PTPRD: variants seen among roughly 807,000 people sequenced by gnomAD.
The protein encoded by PTPRD is receptor-type tyrosine-protein phosphatase delta.
A neutral mutation model predicts 214.5 loss-of-function variants in PTPRD; 34 were observed. The observed-to-expected ratio is 0.16, with a 90% CI of 0.12 to 0.21. PTPRD has a LOEUF of 0.21. PTPRD is among the 10% of genes least tolerant of loss of function. The pLI is 1.00. For missense variants in PTPRD, 2,545 were observed against 2,398.7 expected (o/e 1.06, Z -1.27); for synonymous variants, 1,128 against 845.7 (o/e 1.33, Z -5.79).
At chr9:10,488,289 C>T (rs1177984058) in intron 2 of PTPRD, among the ~76,000 whole-genome samples, 1 of 150,852 alleles carries the variant, frequency 6.6e-6, no homozygotes, top group East Asian at 2.0e-4. Flanking sequence ...ATGGCACGAA[C>T]CTGGGAGGCG....
chr9:9,354,210 T>C (rs2052703717), intron 9 of PTPRD, among the ~76,000 whole-genome samples: 1 of 151,846 alleles, frequency 6.6e-6, no homozygotes. Context: ...CCATATAATA[T>C]AACCTAATCA....
intron 12 of PTPRD, among the ~76,000 whole-genome samples, chr9:8,714,444 T>C (rs1054611810): frequency 6.6e-6 from 1 of 152,176 alleles, no homozygotes; most frequent in Non-Finnish European, 1.5e-5. Flanking sequence ...CCAACATCAC[T>C]AGCAAACTCC....
chr9:9,118,638 C>T (rs2099814568), intron 10 of PTPRD, among the ~76,000 whole-genome samples: 1 of 152,146 alleles, frequency 6.6e-6, no homozygotes, highest in Admixed American at 6.5e-5. Flanking sequence ...TATAAAGATG[C>T]AGCTTTCCTC....
chr9:9,878,073 G>A (rs1045834347), intron 5 of PTPRD, among the ~76,000 whole-genome samples: 4 of 151,332 alleles, frequency 2.6e-5, no homozygotes, highest in African/African-American at 9.7e-5. Flanking sequence ...TGTTTGATCA[G>A]ATAAAGGACC....
At chr9:10,558,829 C>T (rs1182476889) in intron 2 of PTPRD, among the ~76,000 whole-genome samples, 2 of 152,124 alleles carry the variant, frequency 1.3e-5, no homozygotes, top group East Asian at 1.9e-4. Flanking sequence ...TTACTAAAAA[C>T]CAAAACAAAG....
intron 6 of PTPRD, among the ~76,000 whole-genome samples, chr9:9,754,211 G>A (rs2098547885): frequency 6.6e-6 from 1 of 152,052 alleles, no homozygotes; most frequent in Non-Finnish European, 1.5e-5. Context: ...AAGAGTCTTT[G>A]AAAAACAGGG....
intron 3 of PTPRD, among the ~76,000 whole-genome samples, chr9:10,067,452 T>C (rs2097906739): frequency 6.6e-6 from 1 of 151,860 alleles, no homozygotes; most frequent in South Asian, 2.1e-4. Flanking sequence ...ACTAACATAA[T>C]TTTCAGTTTA....
At chr9:8,560,363 G>A (rs7870438) in intron 14 of PTPRD, among the ~76,000 whole-genome samples, 8,234 of 151,554 alleles carry the variant, frequency 0.054, 657 homozygotes, top group African/African-American at 0.18. Flanking sequence ...GCAAAATGGG[G>A]GGAGTGGAAG....
rs781257955 is a variant in PTPRD, at chr9:8,486,187, T to A, written c.2630A>T (p.Glu877Val). 6.2e-7 allele frequency: 1 copy of A among 1,614,176 alleles called. No individual in the cohort carries two copies. Among genetic ancestry groups the A allele is most frequent in the Admixed American group, 1.7e-5 (1 of 60,028 alleles). The stretch of plus-strand genomic sequence containing the variant: ...GATGTCTGTAGCTGTAAAGTGATCT[T>A]CTTTTTCAGAGAACTCAAGAGTAGT... ...PLTTLEFSEK[E>V]DHFTATDIHK... The change falls in exon 28 of 46, where the codon GAA becomes GTA. Residue 877 changes from glutamate (E) to valine (V), a missense_variant. Glu to Val is a moderately radical substitution (Grantham distance 121). Transcript: ENST00000381196.
At chr9:9,614,357 G>A (rs1053733312) in intron 7 of PTPRD, among the ~76,000 whole-genome samples, 9 of 152,032 alleles carry the variant, frequency 5.9e-5, no homozygotes, top group Non-Finnish European at 1.5e-5. Context: ...ATCATGATCA[G>A]CATAGTAATT....
chr9:10,368,471 C>T (rs768713912), intron 2 of PTPRD, among the ~76,000 whole-genome samples: 13 of 151,998 alleles, frequency 8.6e-5, no homozygotes, highest in African/African-American at 1.9e-4. Flanking sequence ...TCACCCTTCT[C>T]AGGAATACAT....
intron 8 of PTPRD, among the ~76,000 whole-genome samples, chr9:9,520,267 ATATATATATATATATTAAGT>A (rs913382904): frequency 1.2e-4 from 18 of 145,878 alleles, no homozygotes; most frequent in South Asian, 6.3e-4. Flanking sequence ...CCTAAAAGTT[ATATATATATATATATTAAGT>A]TATATATATA....
chr9:8,756,925 G>C (rs1404253618), intron 11 of PTPRD, among the ~76,000 whole-genome samples: 3 of 152,090 alleles, frequency 2.0e-5, no homozygotes, highest in African/African-American at 7.2e-5. Context: ...CAGATCACTT[G>C]AGGTTAGGAG....
chr9:9,999,330 C>G (rs1027221697), intron 4 of PTPRD, among the ~76,000 whole-genome samples: 1 of 152,168 alleles, frequency 6.6e-6, no homozygotes, highest in Non-Finnish European at 1.5e-5. Context: ...AAATAGAAGA[C>G]CTTAGGCTGA....
intron 30 of PTPRD, among the ~76,000 whole-genome samples, chr9:8,481,139 C>CA (rs34451513): frequency 0.042 from 1,662 of 39,248 alleles, 179 homozygotes; most frequent in African/African-American, 0.12. Context: ...GACTCCGTCT[C>CA]AAAAAAAAAA....
At chr9:9,062,310 G>A (rs566489008) in intron 10 of PTPRD, among the ~76,000 whole-genome samples, 6 of 152,270 alleles carry the variant, frequency 3.9e-5, no homozygotes, top group African/African-American at 1.4e-4. Flanking sequence ...AGTTGACACT[G>A]CATGGACACG....
At chr9:9,062,185 A>G (rs1191028385) in intron 10 of PTPRD, among the ~76,000 whole-genome samples, 11 of 152,198 alleles carry the variant, frequency 7.2e-5, no homozygotes, top group Admixed American at 2.6e-4. Flanking sequence ...GGTCTTGAAT[A>G]TAGTGTTACC....
At chr9:10,139,871 C>T (rs763454223) in intron 3 of PTPRD, among the ~76,000 whole-genome samples, 3 of 152,104 alleles carry the variant, frequency 2.0e-5, no homozygotes, top group Non-Finnish European at 2.9e-5. Flanking sequence ...CTATCTATCA[C>T]CATACATAAA....
At chr9:8,384,310 A>T (rs2086207059) in intron 37 of PTPRD, among the ~76,000 whole-genome samples, 1 of 152,184 alleles carries the variant, frequency 6.6e-6, no homozygotes, top group African/African-American at 2.4e-5. Context: ...CATGGAAACA[A>T]TTAGAAACCA....
Sources: gnomAD v4.1 joint callset for allele counts (sites outside exome capture counted in the v4.1 genomes callset) on GRCh38, gnomAD v4.1.1 for gene constraint, MANE v1.5 for transcripts, NCBI Gene and HGNC (gene_info 2026-07-23, HGNC 2026-07-21) for gene names.